Variants in FGF9 observed in about 807,000 individuals in gnomAD.
The protein encoded by FGF9 is fibroblast growth factor 9 (glia-activating factor).
In FGF9, 3 loss-of-function variants were observed where a neutral mutation model predicts 19.9. The observed-to-expected ratio is 0.15, with a 90% CI of 0.07 to 0.39. The LOEUF (loss-of-function observed/expected upper bound fraction) is 0.39. FGF9 is among the 10% of genes least tolerant of loss of function. The pLI, the probability that FGF9 is intolerant of heterozygous loss-of-function variation, is 1.00. For missense variants in FGF9, 175 were observed against 256.8 expected, an observed-to-expected ratio of 0.68 and a Z score of 2.18; for synonymous variants, 107 against 106.9, an observed-to-expected ratio of 1.00 and a Z score of -0.01.
Position 21,671,834 on chromosome 13 carries a change from G to T in FGF9, c.-79G>T. On this transcript the variant is annotated 5_prime_UTR_variant, in exon 1 of 3. Transcript: ENST00000382353. The stretch of plus-strand genomic sequence containing the variant: ...GCAACTGCAGTAAGGGAGGGGAGTT[G>T]GATATACCTCGCCTAATATCTCCTG... 2 of 1,528,808 alleles carry T rather than the reference G, an allele frequency of 1.3e-6. No homozygotes were observed. The highest frequency in any genetic ancestry group is 1.1e-5 in the South Asian group (1 of 88,952). 94.7% of individuals were successfully genotyped at this position (1,528,808 alleles called of 1,614,324 possible).
At chr13:21,697,717 C>T (rs540411523) in intron 2 of FGF9, among the ~76,000 whole-genome samples, 13 of 152,012 alleles carry the variant, frequency 8.6e-5, no homozygotes, top group Non-Finnish European at 1.8e-4. Context: ...ATTTTGTTCA[C>T]GATTGCTATT....
rs563405759 is a variant in FGF9 at position 21,671,139 on chromosome 13, C to T, written c.-774C>T. ...CCGCCCGGCTACAACGCTCCGCGAG[C>T]CGGCGCGGCAACACCTGTTCGCGGC... On this transcript the variant is annotated 5_prime_UTR_variant, in exon 1 of 3. Coordinates refer to ENST00000382353, the MANE Select transcript of FGF9 (RefSeq NM_002010.3). 6.6e-6 allele frequency among the ~76,000 whole-genome samples: 1 copy of T among 152,204 alleles called. No individual in the cohort carries two copies. Among genetic ancestry groups the T allele is most frequent in the Non-Finnish European group, 1.5e-5 (1 of 68,022 alleles).
intron 2 of FGF9, among the ~76,000 whole-genome samples, chr13:21,696,400 A>G (rs1381231732): frequency 6.6e-6 from 1 of 152,232 alleles, no homozygotes; most frequent in Non-Finnish European, 1.5e-5. Flanking sequence ...ACCCAAGCCT[A>G]GTGATATAAT....
intron 2 of FGF9, among the ~76,000 whole-genome samples, chr13:21,692,262 C>G (rs187441559): frequency 6.6e-6 from 1 of 152,360 alleles, no homozygotes; most frequent in East Asian, 1.9e-4. Flanking sequence ...TCCCTCCCCA[C>G]TTTGCTTCCT....
chr13:21,691,241 GT>G lies in FGF9; in HGVS notation c.382-9948del, dbSNP rs1274577959. 6.6e-6 allele frequency among the ~76,000 whole-genome samples: 1 copy of G among 152,236 alleles called. No individual in the cohort carries two copies. The highest frequency in any genetic ancestry group is 1.5e-5 in the Non-Finnish European group (1 of 68,046). Reference sequence around the variant, plus strand: ...AAGAACTTGCAACTTCATTGAGGGAGTCAGACATGTAAACCAAGAATTATAA... The same window carrying G: ...AAGAACTTGCAACTTCATTGAGGGAGCAGACATGTAAACCAAGAATTATAA... On this transcript the variant is annotated intron_variant, in intron 2 of 2. Transcript: ENST00000382353. The surrounding 1 kb of genome is among the most constrained non-coding windows in gnomAD (Gnocchi z 4.2).
chr13:21,683,702 C>T (rs931921900), intron 2 of FGF9, among the ~76,000 whole-genome samples: 1 of 152,208 alleles, frequency 6.6e-6, no homozygotes, highest in African/African-American at 2.4e-5. Flanking sequence ...GAAACTGCTC[C>T]AAGGAAGGGT....
chr13:21,671,385 C>T lies in FGF9; in HGVS notation c.-528C>T, dbSNP rs565936638. The T allele has an allele frequency of 7.9e-5, 31 of 394,690 alleles. No homozygotes were observed. Among genetic ancestry groups the T allele is most frequent in the African/African-American group, 6.2e-4 (30 of 48,548 alleles). 24.4% of individuals were successfully genotyped at this position (394,690 alleles called of 1,614,324 possible). On this transcript the variant is annotated 5_prime_UTR_variant, in exon 1 of 3. Transcript: ENST00000382353. ...CGCCACCAACGTGAGATTTTTTTTT[C>T]CCCTTGAAGGATTCATGCTGATGTC... is the stretch of plus-strand genomic sequence containing the variant.
At chr13:21,684,926 T>C (rs1872125286) in intron 2 of FGF9, among the ~76,000 whole-genome samples, 1 of 152,240 alleles carries the variant, frequency 6.6e-6, no homozygotes, top group South Asian at 2.1e-4. Context: ...CCCTTTGGTC[T>C]GTTCCTCCAG....
chr13:21,675,029 A>G (rs1593089968), intron 1 of FGF9, among the ~76,000 whole-genome samples: 43 of 7,588 alleles, frequency 5.7e-3, no homozygotes, highest in East Asian at 0.017. Flanking sequence ...GCTGGGGGGG[A>G]TGTGGGGGCT....
chr13:21,697,428 T>A (rs545236104), intron 2 of FGF9, among the ~76,000 whole-genome samples: 35 of 152,296 alleles, frequency 2.3e-4, no homozygotes, highest in African/African-American at 8.4e-4. Flanking sequence ...GTTACAGGCA[T>A]AAGCTGCTGT....
At chr13:21,694,738 G>A (rs1174096534) in intron 2 of FGF9, among the ~76,000 whole-genome samples, 1 of 151,766 alleles carries the variant, frequency 6.6e-6, no homozygotes, top group Non-Finnish European at 1.5e-5. Context: ...AATTTTTCCT[G>A]TAGGTTTGTT....
Position 21,671,134 on chromosome 13 carries a change from G to T in FGF9, c.-779G>T, listed in dbSNP as rs924691588. On this transcript the variant is annotated 5_prime_UTR_variant, in exon 1 of 3. Transcript: ENST00000382353. The stretch of plus-strand genomic sequence containing the variant: ...GCGCTCCGCCCGGCTACAACGCTCC[G>T]CGAGCCGGCGCGGCAACACCTGTTC... Among the ~76,000 whole-genome samples the T allele has an allele frequency of 6.6e-6, 1 of 152,142 alleles. No homozygotes were observed. The highest frequency in any genetic ancestry group is 2.4e-5 in the African/African-American group (1 of 41,450).
chr13:21,679,696 T>C (rs1167955895), intron 1 of FGF9, among the ~76,000 whole-genome samples: 4 of 148,480 alleles, frequency 2.7e-5, no homozygotes, highest in Non-Finnish European at 3.0e-5. Context: ...CCCAGCACTT[T>C]GGGAAGCCGA....
intron 1 of FGF9, among the ~76,000 whole-genome samples, chr13:21,680,824 G>A (rs1872024575): frequency 6.6e-6 from 1 of 152,132 alleles, no homozygotes; most frequent in Non-Finnish European, 1.5e-5. Context: ...AGTCATGTTG[G>A]TAAGTATTTT....
chr13:21,694,611 G>A (rs1231454487), intron 2 of FGF9, among the ~76,000 whole-genome samples: 1 of 152,054 alleles, frequency 6.6e-6, no homozygotes, highest in African/African-American at 2.4e-5. Context: ...TCTTTGATGT[G>A]CATTTTAAGT....
rs1442826158 is a variant in FGF9, at chr13:21,702,854, A to G, written c.*1419A>G. 6.6e-6 allele frequency: 1 copy of G among 152,232 alleles called. No homozygotes were observed. The highest frequency in any genetic ancestry group is 1.5e-5 in the Non-Finnish European group (1 of 68,032). 9.4% of individuals were successfully genotyped at this position (152,232 alleles called of 1,614,324 possible). ...GTTATCAATAATGACAATGAGGGGG[A>G]AAGTATTATACTTGTTGACTGTGTT... is the stretch of plus-strand genomic sequence containing the variant. On this transcript the variant is annotated 3_prime_UTR_variant, in exon 3 of 3. Transcript: ENST00000382353.
chr13:21,696,121 C>G (rs915873005), intron 2 of FGF9, among the ~76,000 whole-genome samples: 1 of 152,108 alleles, frequency 6.6e-6, no homozygotes, highest in Non-Finnish European at 1.5e-5. Context: ...TTCAAATTGT[C>G]TAATATTTTT....
At chr13:21,675,564 C>T (rs1486006800) in intron 1 of FGF9, among the ~76,000 whole-genome samples, 1 of 152,130 alleles carries the variant, frequency 6.6e-6, no homozygotes, top group Non-Finnish European at 1.5e-5. Context: ...GCCGCCGCGG[C>T]CTCACCTTCG....
chr13:21,676,311 G>C (rs886543514), intron 1 of FGF9, among the ~76,000 whole-genome samples: 16 of 152,128 alleles, frequency 1.1e-4, no homozygotes, highest in African/African-American at 3.9e-4. Flanking sequence ...AATTGGGTCA[G>C]GTGAAGGTTT....
Sources: gnomAD v4.1 joint callset for allele counts (sites outside exome capture counted in the v4.1 genomes callset) on GRCh38, gnomAD v4.1.1 for gene constraint, Gnocchi (gnomAD v3.1) non-coding constraint, MANE v1.5 for transcripts, NCBI Gene and HGNC (gene_info 2026-07-23, HGNC 2026-07-21) for gene names.